TMPRSS2: variants seen among roughly 807,000 people sequenced by gnomAD.
TMPRSS2 encodes the protein transmembrane serine protease 2.
Under a neutral mutation model 67.4 loss-of-function variants are expected in TMPRSS2, and 59 were observed. The ratio of observed to expected loss-of-function variants is 0.88; its 90% CI spans 0.71 to 1.09. The LOEUF (loss-of-function observed/expected upper bound fraction) is 1.09, where lower values mean the gene tolerates loss of function less well. Among genes scored for constraint, TMPRSS2 ranks in the 50% least tolerant of loss-of-function variants. TMPRSS2 has a pLI of 0.00. For synonymous variants in TMPRSS2, 257 were observed against 257.0 expected (o/e 1.00, Z 0.00); for missense variants, 668 against 642.7 (o/e 1.04, Z -0.43).
At chr21:41,501,028 A>G (rs73903404) in intron 1 of TMPRSS2, among the ~76,000 whole-genome samples, 1,932 of 152,290 alleles carry the variant, frequency 0.013, 47 homozygotes, top group African/African-American at 0.044. Flanking sequence ...ATTCGATCCC[A>G]TTGGCAGCTC....
Position 41,466,101 on chromosome 21 carries a change from G to A in TMPRSS2, c.*41C>T, listed in dbSNP as rs748440116. The stretch of plus-strand genomic sequence containing the variant: ...ACGGGGAAGCAAAACCAGCCCCATT[G>A]TTTTCTTGTAAAACGACGTCAAGGA... On this transcript the variant is annotated 3_prime_UTR_variant, in exon 14 of 14. Coordinates refer to ENST00000332149, the MANE Select transcript of TMPRSS2 (RefSeq NM_005656.4). 6.2e-7 allele frequency: 1 copy of A among 1,612,796 alleles called. No homozygotes were observed.
chr21:41,472,834 T>C (rs1474147734), intron 9 of TMPRSS2, among the ~76,000 whole-genome samples: 1 of 152,082 alleles, frequency 6.6e-6, no homozygotes. Context: ...GAGGGGGTGG[T>C]AGCGTCCATA....
chr21:41,498,184 T>C lies in TMPRSS2; in HGVS notation c.-51A>G. The C allele has an allele frequency of 6.2e-7, 1 of 1,609,340 alleles. No individual in the cohort carries two copies. The highest frequency in any genetic ancestry group is 8.5e-7 in the Non-Finnish European group (1 of 1,176,128). On this transcript the variant is annotated 5_prime_UTR_variant, in exon 2 of 14. In the 5' UTR this introduces an upstream ATG that the reference lacks. Transcript: ENST00000332149. The stretch of plus-strand genomic sequence containing the variant: ...AATGATAGGTATCTGGAATGTTCAA[T>C]ATGACCTAGAAGAAAGAATTACAGG...
intron 13 of TMPRSS2, among the ~76,000 whole-genome samples, chr21:41,467,415 G>C (rs1014787500): frequency 2.0e-5 from 3 of 151,492 alleles, no homozygotes; most frequent in African/African-American, 7.3e-5. Flanking sequence ...AGTTTGATGT[G>C]AGGTGGCCTG....
At chr21:41,504,696 G>A (rs1053281677) in intron 1 of TMPRSS2, among the ~76,000 whole-genome samples, 1 of 152,034 alleles carries the variant, frequency 6.6e-6, no homozygotes, top group Non-Finnish European at 1.5e-5. Flanking sequence ...GGGCCAAGGT[G>A]GTCAATGGCC....
Position 41,494,380 on chromosome 21 carries a change from G to T in TMPRSS2, c.214C>A (p.Pro72Thr), listed in dbSNP as rs200169208. The T allele has an allele frequency of 3.5e-5, 56 of 1,610,068 alleles. No individual in the cohort carries two copies. The highest frequency in any genetic ancestry group is 4.7e-5 in the Non-Finnish European group (56 of 1,179,082). The change falls in exon 3 of 14, where the codon CCA becomes ACA. Residue 72 changes from proline (P) to threonine (T), a missense_variant. By Grantham distance (38) the Pro-to-Thr change is conservative. Coordinates refer to ENST00000332149, the MANE Select transcript of TMPRSS2 (RefSeq NM_005656.4). ...CTTGAGGTGCACACTGTCCCGGATG[G>T]GGATTTGGGCTGCGTGCAGACGACG... ...NPVVCTQPKS[P>T]SGTVCTSKTK...
Position 41,507,975 on chromosome 21 carries a change from G to A in TMPRSS2, c.-57+106C>T, listed in dbSNP as rs1454558522. On this transcript the variant is annotated intron_variant, in intron 1 of 13. Coordinates refer to ENST00000332149, the MANE Select transcript of TMPRSS2 (RefSeq NM_005656.4). Reference sequence around the variant, plus strand: ...CTGCCGCGCCGCGCTCCTCACACCCGCTTTCACCTCCGGGCGGGGCAGGGG... The same window carrying A: ...CTGCCGCGCCGCGCTCCTCACACCCACTTTCACCTCCGGGCGGGGCAGGGG... 6.9e-6 allele frequency: 10 copies of A among 1,459,802 alleles called. No individual in the cohort carries two copies. In the East Asian group the frequency reaches 2.7e-4, roughly 39 times the overall value. The allele number at this position is 1,459,802 out of a possible 1,614,324, so 90.4% of individuals were successfully genotyped here.
chr21:41,470,704 A>C lies in TMPRSS2; in HGVS notation c.1115T>G (p.Met372Arg), dbSNP rs760855051. Residue 372 changes from methionine to arginine, a missense_variant, in exon 11 of 14, where the codon ATG becomes AGG. Met to Arg is a moderately conservative substitution (Grantham distance 91). Coordinates refer to ENST00000332149, the MANE Select transcript of TMPRSS2 (RefSeq NM_005656.4). ...CCAGCAGAGCTGTTCTGGCTGCAGCATCATGCCTGGGTTGGGCAGACACAC... is the reference window on the plus strand; with the variant it reads ...CCAGCAGAGCTGTTCTGGCTGCAGCCTCATGCCTGGGTTGGGCAGACACAC... ...KPVCLPNPGM[M>R]LQPEQLCWIS... The C allele has an allele frequency of 6.2e-7, 1 of 1,613,666 alleles. No individual in the cohort carries two copies. Among genetic ancestry groups the C allele is most frequent in the Non-Finnish European group, 8.5e-7 (1 of 1,179,990 alleles).
intron 1 of TMPRSS2, among the ~76,000 whole-genome samples, chr21:41,499,199 C>T (rs1487781913): frequency 6.6e-6 from 1 of 152,216 alleles, no homozygotes; most frequent in Non-Finnish European, 1.5e-5. Flanking sequence ...TTGACCACTG[C>T]TAAGATTAGC....
intron 3 of TMPRSS2, among the ~76,000 whole-genome samples, chr21:41,491,657 C>T (rs546388820): frequency 7.9e-5 from 12 of 152,336 alleles, no homozygotes; most frequent in African/African-American, 2.9e-4. Flanking sequence ...TCCCGAGTGC[C>T]ATTTTATCCA....
In TMPRSS2 at chr21:41,498,183, A is replaced by G. The variant is rs1334212309; in HGVS notation, c.-50T>C. On this transcript the variant is annotated 5_prime_UTR_variant, in exon 2 of 14. Coordinates refer to ENST00000332149, the MANE Select transcript of TMPRSS2 (RefSeq NM_005656.4). ...TAATGATAGGTATCTGGAATGTTCA[A>G]TATGACCTAGAAGAAAGAATTACAG... 1.9e-6 allele frequency: 3 copies of G among 1,609,778 alleles called. No individual in the cohort carries two copies. The highest frequency in any genetic ancestry group is 2.5e-6 in the Non-Finnish European group (3 of 1,176,492).
rs1186079012 is a variant in TMPRSS2, at chr21:41,480,473, CACTT to C, written c.571_572+2del. 1 of 1,613,356 alleles carries C rather than the reference CACTT, an allele frequency of 6.2e-7. No individual in the cohort carries two copies. The highest frequency in any genetic ancestry group is 1.1e-5 in the South Asian group (1 of 91,048). On this transcript the variant is annotated splice_donor_variant and coding_sequence_variant, in exon 6 of 14. Coordinates refer to ENST00000332149, the MANE Select transcript of TMPRSS2 (RefSeq NM_005656.4). LOFTEE classifies it high-confidence loss of function. ...CACTCGGCGGGTGCTGCCCCATACTCACTTATAGCCCATGTCCCTGCAGGCCGCC... is the reference window on the plus strand; with the variant it reads ...CACTCGGCGGGTGCTGCCCCATACTCATAGCCCATGTCCCTGCAGGCCGCC...
chr21:41,489,665 T>TA, intron 3 of TMPRSS2, 72 bp from the exon 4 acceptor site: 1 of 980,078 alleles, frequency 1.0e-6, no homozygotes, highest in Non-Finnish European at 1.6e-6. Context: ...TGTTATCTAT[T>TA]ATTTTTATAG....
chr21:41,488,828 G>C (rs1201246544), intron 4 of TMPRSS2, among the ~76,000 whole-genome samples: 1 of 152,118 alleles, frequency 6.6e-6, no homozygotes, highest in African/African-American at 2.4e-5. Flanking sequence ...AGTAGAGATG[G>C]AGTTTCAACA....
rs75317729 is a variant in TMPRSS2, at chr21:41,465,575, T to C, written c.*567A>G. The C allele has an allele frequency of 3.2e-4, 75 of 234,326 alleles. No homozygotes were observed. Among genetic ancestry groups the C allele is most frequent in the African/African-American group, 1.6e-3 (74 of 45,500 alleles). The allele number at this position is 234,326 out of a possible 1,614,324, so 14.5% of individuals were successfully genotyped here. On this transcript the variant is annotated 3_prime_UTR_variant, in exon 14 of 14. Coordinates refer to ENST00000332149, the MANE Select transcript of TMPRSS2 (RefSeq NM_005656.4). The stretch of plus-strand genomic sequence containing the variant: ...AAGAACAAAAATGTTTCTGTTCCCC[T>C]TACAAGTGACTACCACGTCACCACC...
At chr21:41,503,791 A>C (rs181446489) in intron 1 of TMPRSS2, among the ~76,000 whole-genome samples, 3 of 152,374 alleles carry the variant, frequency 2.0e-5, no homozygotes, top group Admixed American at 2.0e-4. Context: ...GACCAGACAT[A>C]GTGATCTTTC....
rs962786468 is a variant in TMPRSS2, at chr21:41,478,944, G to A, written c.683+228C>T. Reference sequence around the variant, plus strand: ...TGAGCCGCTACCAACAAGGGCAGACGGTAGAGGCTGAAAATGAAATAGCAG... The same window carrying A: ...TGAGCCGCTACCAACAAGGGCAGACAGTAGAGGCTGAAAATGAAATAGCAG... On this transcript the variant is annotated intron_variant, in intron 7 of 13. Transcript: ENST00000332149. This position sits in a 1 kb window ranked among gnomAD's most constrained non-coding sequence, Gnocchi z 4.0. Among the ~76,000 whole-genome samples the A allele has an allele frequency of 3.3e-5, 5 of 152,188 alleles. No individual in the cohort carries two copies. Among genetic ancestry groups the A allele is most frequent in the Admixed American group, 6.5e-5 (1 of 15,284 alleles).
chr21:41,507,982 C>A lies in TMPRSS2; in HGVS notation c.-57+99G>T, dbSNP rs75603675. 0.38 allele frequency: 551,577 copies of A among 1,447,792 alleles called. 109,268 individuals carry two copies. The highest frequency in any genetic ancestry group is 0.41 in the Non-Finnish European group (451,632 of 1,107,742). 89.7% of individuals were successfully genotyped at this position (1,447,792 alleles called of 1,614,324 possible). On this transcript the variant is annotated intron_variant, in intron 1 of 13. Coordinates refer to ENST00000332149, the MANE Select transcript of TMPRSS2 (RefSeq NM_005656.4). ...GCCGCGCTCCTCACACCCGCTTTCACCTCCGGGCGGGGCAGGGGGCATCGG... is the reference window on the plus strand; with the variant it reads ...GCCGCGCTCCTCACACCCGCTTTCAACTCCGGGCGGGGCAGGGGGCATCGG...
intron 6 of TMPRSS2, 50 bp downstream of exon 6, chr21:41,480,426 T>C (rs1038932296): frequency 4.4e-6 from 7 of 1,598,830 alleles, no homozygotes; most frequent in Admixed American, 3.4e-5. Flanking sequence ...GGTCTTCTCG[T>C]GTTTCTGCTG....
Sources: allele counts gnomAD v4.1 joint callset (sites outside exome capture counted in the v4.1 genomes callset), GRCh38; gene constraint gnomAD v4.1.1; non-coding constraint Gnocchi (gnomAD v3.1); transcripts MANE v1.5; gene names NCBI Gene and HGNC (gene_info 2026-07-23, HGNC 2026-07-21).